Variants in RTTN observed in about 807,000 individuals in gnomAD.
RTTN encodes rotatin.
RTTN carries 182 observed loss-of-function variants against 269.2 expected under a neutral mutation model. That is an observed-to-expected ratio of 0.68 (90% CI 0.60 to 0.76). RTTN has a LOEUF of 0.76. RTTN is among the 30% of genes least tolerant of loss of function. RTTN has a pLI of 0.00. For synonymous variants in RTTN, 1,006 were observed against 963.5 expected, an observed-to-expected ratio of 1.04 and a Z score of -0.82; for missense variants, 2,545 against 2,608.6, an observed-to-expected ratio of 0.98 and a Z score of 0.53.
Position 70,176,694 on chromosome 18 carries a change from G to T in RTTN, c.1457C>A (p.Thr486Lys). 1 of 1,613,634 alleles carries T rather than the reference G, an allele frequency of 6.2e-7. No individual in the cohort carries two copies. Among genetic ancestry groups the T allele is most frequent in the Non-Finnish European group, 8.5e-7 (1 of 1,179,764 alleles). The change falls in exon 11 of 49, where the codon ACG becomes AAG. Residue 486 changes from threonine (T) to lysine (K), a missense_variant. By Grantham distance (78) the Thr-to-Lys change is moderately conservative. Transcript: ENST00000640769. ...CCTTACCTTTTCAACAGGGAGAAGC[G>T]TTTGTAGCAGTCGAACTGCAAACAG... ...ISLFAVRLLQ[T>K]LLPVEKASEF...
At position 70,165,971 on chromosome 18, in the gene RTTN, C is replaced by A. The variant is rs1418050987; in HGVS notation, c.1929+91G>T. On this transcript the variant is annotated intron_variant, in intron 14 of 48. Coordinates refer to ENST00000640769, the MANE Select transcript of RTTN (RefSeq NM_173630.4). ...TGGGATATAGTTCTTATATCTCATA[C>A]AAAAGGTCAAGTAAATTAAGTTTGA... The A allele has an allele frequency of 1.4e-5, 18 of 1,302,784 alleles. No individual in the cohort carries two copies. In the East Asian group the frequency reaches 4.0e-4, roughly 29 times the overall value. The allele number at this position is 1,302,784 out of a possible 1,614,324, so 80.7% of individuals were successfully genotyped here.
At chr18:70,020,935 G>A (rs1033342608) in intron 44 of RTTN, 118 bp from the exon 45 acceptor site, 4 of 743,588 alleles carry the variant, frequency 5.4e-6, no homozygotes, top group African/African-American at 3.5e-5. Context: ...CCTGTGAACT[G>A]CAAATTAGCA....
intron 38 of RTTN, among the ~76,000 whole-genome samples, chr18:70,052,667 G>A (rs1052388642): frequency 1.1e-5 from 1 of 89,034 alleles, no homozygotes; most frequent in African/African-American, 2.8e-5. Context: ...ATCACAATGT[G>A]TCAATTTACA....
intron 11 of RTTN, among the ~76,000 whole-genome samples, chr18:70,172,853 C>T (rs1175579411): frequency 2.6e-5 from 4 of 152,112 alleles, no homozygotes; most frequent in African/African-American, 7.2e-5. Flanking sequence ...ATCAATACTT[C>T]GACCCATAGA....
chr18:70,166,084 T>TGG lies in RTTN; in HGVS notation c.1905_1906dup (p.His636ProfsTer12). On this transcript the variant is annotated frameshift_variant, in exon 14 of 49. Coordinates refer to ENST00000640769, the MANE Select transcript of RTTN (RefSeq NM_173630.4). LOFTEE classifies it high-confidence loss of function. ...CACCTTCGTGATTTCCAGACAGCAG[T>TGG]GGTAAGTTTCAGCTTTCACTCGTGG... 1 of 1,613,816 alleles carries TGG rather than the reference T, an allele frequency of 6.2e-7. No homozygotes were observed. The highest frequency in any genetic ancestry group is 8.5e-7 in the Non-Finnish European group (1 of 1,179,786).
chr18:70,134,052 T>G (rs1194756388), intron 23 of RTTN, among the ~76,000 whole-genome samples: 1 of 152,094 alleles, frequency 6.6e-6, no homozygotes, highest in Non-Finnish European at 1.5e-5. Flanking sequence ...TTATGTAGAA[T>G]AATGTCCTTA....
chr18:70,055,318 T>TACAC (rs143114816), intron 37 of RTTN, among the ~76,000 whole-genome samples: 213 of 150,002 alleles, frequency 1.4e-3, no homozygotes, highest in African/African-American at 4.8e-3. Context: ...CACACACACA[T>TACAC]ACACACACAC....
chr18:70,102,663 G>C (rs1236679738), intron 28 of RTTN, among the ~76,000 whole-genome samples: 1 of 152,152 alleles, frequency 6.6e-6, no homozygotes, highest in Non-Finnish European at 1.5e-5. Flanking sequence ...TTTCTTCCTA[G>C]CATCAATGGT....
intron 14 of RTTN, among the ~76,000 whole-genome samples, chr18:70,154,263 A>G (rs553406302): frequency 1.2e-3 from 188 of 152,086 alleles, no homozygotes; most frequent in African/African-American, 4.5e-3. Context: ...CTGGATGTTA[A>G]TTTTTTAGAA....
chr18:70,009,746 T>C (rs762725423), intron 46 of RTTN, among the ~76,000 whole-genome samples: 1 of 152,146 alleles, frequency 6.6e-6, no homozygotes, highest in Non-Finnish European at 1.5e-5. Flanking sequence ...ACCTTAAATG[T>C]AAACGGGCTA....
At chr18:70,062,376 A>G (rs1482950879) in intron 35 of RTTN, among the ~76,000 whole-genome samples, 3 of 151,624 alleles carry the variant, frequency 2.0e-5, no homozygotes, top group Admixed American at 6.7e-5. Context: ...CTTATTTCCT[A>G]ACTAACTCCC....
chr18:70,178,129 T>C (rs1436624067), intron 10 of RTTN, among the ~76,000 whole-genome samples: 2 of 152,104 alleles, frequency 1.3e-5, no homozygotes, highest in Non-Finnish European at 2.9e-5. Flanking sequence ...ACGCCTGTAA[T>C]CCCAGCAGGA....
intron 16 of RTTN, among the ~76,000 whole-genome samples, chr18:70,149,526 G>C (rs551054459): frequency 3.2e-5 from 4 of 124,918 alleles, no homozygotes; most frequent in African/African-American, 5.6e-5. Flanking sequence ...TTAATGTCCA[G>C]AAGGATTGCT....
intron 36 of RTTN, among the ~76,000 whole-genome samples, chr18:70,058,928 A>G (rs2057898558): frequency 6.6e-6 from 1 of 152,230 alleles, no homozygotes; most frequent in Non-Finnish European, 1.5e-5. Context: ...TATTTTCTAG[A>G]GTTTTCTTAA....
At chr18:70,126,902 T>C (rs2059878840) in intron 25 of RTTN, among the ~76,000 whole-genome samples, 1 of 152,190 alleles carries the variant, frequency 6.6e-6, no homozygotes, top group African/African-American at 2.4e-5. Context: ...AATAAAGTTA[T>C]ACATTTTATA....
At chr18:70,095,668 G>A (rs1278447572) in intron 28 of RTTN, among the ~76,000 whole-genome samples, 3 of 151,934 alleles carry the variant, frequency 2.0e-5, no homozygotes, top group African/African-American at 7.2e-5. Context: ...CCGCTGGTAA[G>A]ACTAACAGGG....
At chr18:70,204,776 ATTATTT>A in intron 2 of RTTN, among the ~76,000 whole-genome samples, 1 of 152,350 alleles carries the variant, frequency 6.6e-6, no homozygotes, top group East Asian at 1.9e-4. Context: ...GTTATGTAAC[ATTATTT>A]TTAAAGTGCT....
rs982776418 is a variant in RTTN, at chr18:70,149,060, G to A, written c.2173-23C>T. 3 of 1,602,542 alleles carry A rather than the reference G, an allele frequency of 1.9e-6. No individual in the cohort carries two copies. In the African/African-American group the frequency reaches 4.0e-5, roughly 22 times the overall value. On this transcript the variant is annotated intron_variant, in intron 16 of 48. Coordinates refer to ENST00000640769, the MANE Select transcript of RTTN (RefSeq NM_173630.4). ...GCCCTAATAGATTTGTTTTTAAAGA[G>A]AAATTATTGTCTAATTGTATACATA...
intron 15 of RTTN, among the ~76,000 whole-genome samples, chr18:70,150,368 G>A (rs989155863): frequency 3.3e-5 from 5 of 152,012 alleles, no homozygotes; most frequent in African/African-American, 4.8e-5. Flanking sequence ...CTACATCTTA[G>A]ATGAAAAATG....
Sources: allele counts gnomAD v4.1 joint callset (sites outside exome capture counted in the v4.1 genomes callset), GRCh38; gene constraint gnomAD v4.1.1; transcripts MANE v1.5; gene names NCBI Gene and HGNC (gene_info 2026-07-23, HGNC 2026-07-21).